The following KHDRBS2 variants were observed in gnomAD, a reference collection of about 807,000 sequenced individuals.
The protein encoded by KHDRBS2 is KH domain-containing, RNA-binding, signal transduction-associated protein 2.
Under a neutral mutation model 44.3 loss-of-function variants are expected in KHDRBS2, and 26 were observed. The ratio of observed to expected loss-of-function variants is 0.59; its 90% CI spans 0.43 to 0.81. The LOEUF (loss-of-function observed/expected upper bound fraction) is 0.81. Ranked by LOEUF, KHDRBS2 falls within the 40% of genes least tolerant of loss-of-function variation. The probability of loss-of-function intolerance (pLI) is 0.00; values close to 1 mark genes in which losing one functional copy is unlikely to be tolerated. For synonymous variants in KHDRBS2, 194 were observed against 151.1 expected (o/e 1.28, Z -2.08); for missense variants, 476 against 433.1 (o/e 1.10, Z -0.88).
intron 4 of KHDRBS2, among the ~76,000 whole-genome samples, chr6:61,908,231 C>T (rs895337628): frequency 6.6e-6 from 1 of 151,756 alleles, no homozygotes; most frequent in Non-Finnish European, 1.5e-5. Context: ...CAAATATTTA[C>T]CTAAGTATGT....
the KHDRBS2 span, among the ~76,000 whole-genome samples, chr6:61,624,848 A>G: frequency 6.6e-6 from 1 of 152,174 alleles, no homozygotes; most frequent in Non-Finnish European, 1.5e-5. Context: ...ACCATCTGCC[A>G]TTAGTTCTAA....
intron 2 of KHDRBS2, among the ~76,000 whole-genome samples, chr6:62,110,574 G>A (rs1804766210): frequency 6.6e-6 from 1 of 152,048 alleles, no homozygotes; most frequent in African/African-American, 2.4e-5. Flanking sequence ...TATGTTGAGT[G>A]AAAGAAGTCA....
At chr6:61,599,236 T>G in the KHDRBS2 span, among the ~76,000 whole-genome samples, 1 of 152,118 alleles carries the variant, frequency 6.6e-6, no homozygotes, top group Non-Finnish European at 1.5e-5. Context: ...ATTTATACGC[T>G]CTTTTTGATA....
chr6:61,588,293 C>A, the KHDRBS2 span, among the ~76,000 whole-genome samples: 1 of 152,158 alleles, frequency 6.6e-6, no homozygotes, highest in Non-Finnish European at 1.5e-5. Context: ...AGAGGACATT[C>A]ATTGCAGCTG....
chr6:61,969,935 A>T (rs756838694), intron 4 of KHDRBS2, among the ~76,000 whole-genome samples: 7 of 152,022 alleles, frequency 4.6e-5, no homozygotes, highest in Non-Finnish European at 8.8e-5. Context: ...TATTCTTGGT[A>T]TAAGAGAGCA....
the KHDRBS2 span, among the ~76,000 whole-genome samples, chr6:61,576,274 T>C: frequency 3.9e-5 from 6 of 152,176 alleles, no homozygotes; most frequent in Admixed American, 1.3e-4. Context: ...CAGTGTTTTG[T>C]AGTGTTCCTT....
At chr6:61,967,957 T>TATATATAC (rs1228663590) in intron 4 of KHDRBS2, among the ~76,000 whole-genome samples, 141 of 73,568 alleles carry the variant, frequency 1.9e-3, no homozygotes, top group African/African-American at 5.9e-3. Context: ...TATATATATA[T>TATATATAC]ACACACACAC....
At chr6:62,159,834 GA>G (rs1817255904) in intron 2 of KHDRBS2, among the ~76,000 whole-genome samples, 1 of 152,086 alleles carries the variant, frequency 6.6e-6, no homozygotes. Flanking sequence ...TCCTTAAGTG[GA>G]AGTGAATCAT....
intron 3 of KHDRBS2, among the ~76,000 whole-genome samples, chr6:62,029,004 T>C (rs1419340187): frequency 6.6e-6 from 1 of 151,984 alleles, no homozygotes; most frequent in Non-Finnish European, 1.5e-5. Context: ...ACAATAACAA[T>C]AGTAATATGT....
the KHDRBS2 span, among the ~76,000 whole-genome samples, chr6:61,604,816 T>A: frequency 8.5e-5 from 13 of 152,268 alleles, no homozygotes; most frequent in Non-Finnish European, 1.6e-4. Flanking sequence ...TAGAGGCCTA[T>A]CCCACAGGGT....
intron 3 of KHDRBS2, among the ~76,000 whole-genome samples, chr6:61,994,816 G>A (rs368702561): frequency 1.3e-5 from 2 of 152,182 alleles, no homozygotes; most frequent in East Asian, 1.9e-4. Context: ...TATTTGGACA[G>A]AGTGCGTGTG....
chr6:61,601,200 C>T, the KHDRBS2 span, among the ~76,000 whole-genome samples: 5 of 151,982 alleles, frequency 3.3e-5, no homozygotes, highest in Admixed American at 2.6e-4. Context: ...CTTCTCTCCA[C>T]TTTCCTGGGG....
At chr6:62,222,134 G>A (rs186518965) in intron 1 of KHDRBS2, among the ~76,000 whole-genome samples, 3 of 152,266 alleles carry the variant, frequency 2.0e-5, no homozygotes, top group Non-Finnish European at 2.9e-5. Context: ...TTCTAATTGT[G>A]TGATAAACAG....
chr6:61,572,678 A>G, the KHDRBS2 span, among the ~76,000 whole-genome samples: 261 of 152,360 alleles, frequency 1.7e-3, 2 homozygotes, highest in Non-Finnish European at 5.6e-4. Context: ...ATGCAAGTCA[A>G]TAAATGTGAT....
chr6:62,200,053 T>C (rs1005208368), intron 1 of KHDRBS2, among the ~76,000 whole-genome samples: 2 of 152,106 alleles, frequency 1.3e-5, no homozygotes, highest in African/African-American at 4.8e-5. Context: ...TGAAACTGGA[T>C]CCCTTCCTTA....
At chr6:62,090,328 A>G (rs1799259754) in intron 2 of KHDRBS2, among the ~76,000 whole-genome samples, 1 of 152,200 alleles carries the variant, frequency 6.6e-6, no homozygotes, top group Admixed American at 6.5e-5. Context: ...TTGCCTCTAA[A>G]GACAGACAAG....
At position 61,824,209 on chromosome 6, in the gene KHDRBS2, C is replaced by A. The variant is rs1790470053; in HGVS notation, c.810+70426G>T. On this transcript the variant is annotated intron_variant, in intron 6 of 8. Coordinates refer to ENST00000281156, the MANE Select transcript of KHDRBS2 (RefSeq NM_152688.4). ...GGTTTGGCTCTGTTCCCACCCAAAT[C>A]TCATGTCAAACTGTGATCCTGAGTG... Among the ~76,000 whole-genome samples, 3 of 152,048 alleles carry A rather than the reference C, an allele frequency of 2.0e-5. No homozygotes were observed. In the East Asian group the frequency reaches 5.8e-4, roughly 29 times the overall value.
At chr6:61,570,533 A>G in the KHDRBS2 span, among the ~76,000 whole-genome samples, 1 of 152,284 alleles carries the variant, frequency 6.6e-6, no homozygotes, top group Middle Eastern at 3.4e-3. Flanking sequence ...ACCTTGTAAG[A>G]AATCTAGACA....
chr6:61,708,893 C>T (rs968239924), intron 7 of KHDRBS2, among the ~76,000 whole-genome samples: 9 of 151,574 alleles, frequency 5.9e-5, no homozygotes, highest in Non-Finnish European at 1.2e-4. Flanking sequence ...ACTTGGAATA[C>T]AATCAGTACT....
Sources: allele counts gnomAD v4.1 joint callset (sites outside exome capture counted in the v4.1 genomes callset), GRCh38; gene constraint gnomAD v4.1.1; transcripts MANE v1.5; gene names NCBI Gene and HGNC (gene_info 2026-07-23, HGNC 2026-07-21).